Variants in SPAG16 observed in about 807,000 individuals in gnomAD.
The protein encoded by SPAG16 is sperm associated antigen 16, also known as sperm-associated antigen 16 protein.
Under a neutral mutation model 80.4 loss-of-function variants are expected in SPAG16, and 86 were observed. The observed-to-expected ratio is 1.07, with a 90% CI of 0.90 to 1.28. SPAG16 has a LOEUF of 1.28. SPAG16 is among the 50% of genes most tolerant of loss of function. The pLI, the probability that SPAG16 is intolerant of heterozygous loss-of-function variation, is 0.00. For missense variants in SPAG16, 870 were observed against 765.3 expected, an observed-to-expected ratio of 1.14 and a Z score of -1.61; for synonymous variants, 294 against 265.9, an observed-to-expected ratio of 1.11 and a Z score of -1.03.
intron 10 of SPAG16, among the ~76,000 whole-genome samples, chr2:213,612,670 A>G (rs1259466919): frequency 6.6e-6 from 1 of 152,164 alleles, no homozygotes; most frequent in Non-Finnish European, 1.5e-5. Context: ...CTAGCCTTGA[A>G]AAATAAAAAT....
At chr2:213,902,705 C>A (rs1001122817) in intron 11 of SPAG16, among the ~76,000 whole-genome samples, 6 of 152,282 alleles carry the variant, frequency 3.9e-5, no homozygotes, top group Admixed American at 3.3e-4. Context: ...ACCAATCATG[C>A]CTTCTCAACA....
rs759174561 is a variant in SPAG16 at position 214,149,154 on chromosome 2, A to G, written c.1608A>G (p.Ala536=). 5 of 1,576,756 alleles carry G rather than the reference A, an allele frequency of 3.2e-6. No individual in the cohort carries two copies. The African/African-American group carries it at 6.8e-5, about 21-fold the overall frequency. Residue 536 remains alanine (A), a synonymous_variant, in exon 15 of 16, where the codon GCA becomes GCG. Coordinates refer to ENST00000331683, the MANE Select transcript of SPAG16 (RefSeq NM_024532.5). ...ATATTTTGAAGGGTCACATGATAGC[A>G]TCCTGTGATGCCTGTGGGGTTACAA... ...AIFDPRGHMI[A]SCDACGVTKL... is the part of the protein sequence containing the mutation.
intron 11 of SPAG16, among the ~76,000 whole-genome samples, chr2:213,900,196 G>A (rs2077161811): frequency 6.6e-6 from 1 of 152,086 alleles, no homozygotes; most frequent in African/African-American, 2.4e-5. Flanking sequence ...TACCAGTTCA[G>A]CTCAGAGGTC....
chr2:213,617,493 C>T (rs963117156), intron 10 of SPAG16, among the ~76,000 whole-genome samples: 1 of 152,178 alleles, frequency 6.6e-6, no homozygotes, highest in South Asian at 2.1e-4. Flanking sequence ...AGGCGCCCAC[C>T]ACCATGTTCA....
intron 15 of SPAG16, among the ~76,000 whole-genome samples, chr2:214,154,492 T>C (rs1345656180): frequency 8.9e-6 from 1 of 112,972 alleles, no homozygotes; most frequent in East Asian, 2.6e-4. Context: ...ATGCAAAAAG[T>C]ATCAGACCCC....
At chr2:213,839,839 C>A (rs1011374124) in intron 10 of SPAG16, among the ~76,000 whole-genome samples, 4 of 151,926 alleles carry the variant, frequency 2.6e-5, no homozygotes, top group Non-Finnish European at 4.4e-5. Context: ...TTTAAAATAA[C>A]TTTTTGAAAT....
At chr2:213,688,117 C>T (rs1029806069) in intron 10 of SPAG16, among the ~76,000 whole-genome samples, 4 of 152,070 alleles carry the variant, frequency 2.6e-5, no homozygotes, top group African/African-American at 9.7e-5. Flanking sequence ...GGAGGATTTC[C>T]AGGCTATAGG....
intron 10 of SPAG16, among the ~76,000 whole-genome samples, chr2:213,826,038 G>A (rs2457181): frequency 0.05 from 7,636 of 151,598 alleles, 638 homozygotes; most frequent in African/African-American, 0.17. Context: ...TGAATGTATT[G>A]GCATATAGTT....
chr2:214,285,652 A>G (rs887264653), intron 15 of SPAG16, among the ~76,000 whole-genome samples: 1 of 152,020 alleles, frequency 6.6e-6, no homozygotes, highest in African/African-American at 2.4e-5. Flanking sequence ...AAATACAAAA[A>G]ATTAGCTAGA....
chr2:213,785,035 A>G (rs1428098244), intron 10 of SPAG16, among the ~76,000 whole-genome samples: 1 of 152,160 alleles, frequency 6.6e-6, no homozygotes, highest in African/African-American at 2.4e-5. Flanking sequence ...TGTTTGGTAT[A>G]TATTTATTAT....
chr2:213,905,613 TAGC>T (rs1437993188), intron 11 of SPAG16, among the ~76,000 whole-genome samples: 1 of 152,176 alleles, frequency 6.6e-6, no homozygotes, highest in Non-Finnish European at 1.5e-5. Flanking sequence ...TTTGGGGAAA[TAGC>T]AGCAAATTTA....
At chr2:213,523,148 A>G (rs1165253521) in intron 10 of SPAG16, among the ~76,000 whole-genome samples, 4 of 152,160 alleles carry the variant, frequency 2.6e-5, no homozygotes, top group Admixed American at 2.6e-4. Flanking sequence ...TAATTGAATC[A>G]TGGAGGCAGT....
chr2:213,745,522 C>T (rs2067778386), intron 10 of SPAG16, among the ~76,000 whole-genome samples: 1 of 152,128 alleles, frequency 6.6e-6, no homozygotes, highest in African/African-American at 2.4e-5. Context: ...AGAGTACAGG[C>T]GTGAGCCACT....
chr2:213,536,239 T>C (rs898921873), intron 10 of SPAG16, among the ~76,000 whole-genome samples: 2 of 152,192 alleles, frequency 1.3e-5, no homozygotes, highest in Admixed American at 6.5e-5. Flanking sequence ...TTGAACTATA[T>C]GAAATTTCGT....
chr2:213,460,133 C>G (rs2072276347), intron 9 of SPAG16, among the ~76,000 whole-genome samples: 1 of 152,206 alleles, frequency 6.6e-6, no homozygotes, highest in Non-Finnish European at 1.5e-5. Flanking sequence ...CCATTCCTGT[C>G]TACATCTACT....
chr2:213,825,701 C>CTTTTTTTTTTTTTTTTTT (rs55777958), intron 10 of SPAG16, among the ~76,000 whole-genome samples: 11 of 109,796 alleles, frequency 1.0e-4, no homozygotes, highest in East Asian at 2.6e-4. Flanking sequence ...TTCTTTCTTT[C>CTTTTTTTTTTTTTTTTTT]TTTTTTTTTT....
intron 9 of SPAG16, among the ~76,000 whole-genome samples, chr2:213,409,735 A>G (rs7573822): frequency 0.29 from 44,372 of 152,058 alleles, 6,963 homozygotes; most frequent in African/African-American, 0.35. Flanking sequence ...AAGAAGCATT[A>G]TCAAATATAA....
chr2:213,980,473 G>T (rs13388292), intron 12 of SPAG16, among the ~76,000 whole-genome samples: 1 of 62,998 alleles, frequency 1.6e-5, no homozygotes, highest in Non-Finnish European at 3.5e-5. Flanking sequence ...GAATATATGT[G>T]TGTATATATA....
At position 214,020,181 on chromosome 2, in the gene SPAG16, G is replaced by T. The variant is rs139717561; in HGVS notation, c.1527+6104G>T. Among the ~76,000 whole-genome samples, 821 of 152,236 alleles carry T rather than the reference G, an allele frequency of 5.4e-3. 7 individuals are homozygous for T. The highest frequency in any genetic ancestry group is 7.3e-3 in the Non-Finnish European group (496 of 68,010). The stretch of plus-strand genomic sequence containing the variant: ...CAGTGGTCAGTGACAGGGTGAGAAC[G>T]CAGGCTGCCTCTCCAACCTCGGTCT... On this transcript the variant is annotated intron_variant, in intron 13 of 15. Transcript: ENST00000331683.
Sources: allele counts gnomAD v4.1 joint callset (sites outside exome capture counted in the v4.1 genomes callset), GRCh38; gene constraint gnomAD v4.1.1; transcripts MANE v1.5; gene names NCBI Gene and HGNC (gene_info 2026-07-23, HGNC 2026-07-21).